Variants in ERCC6L2 observed in about 807,000 individuals in gnomAD.
ERCC6L2 encodes the protein ERCC excision repair 6 like 2.
ERCC6L2 carries 77 observed loss-of-function variants against 132.0 expected under a neutral mutation model. The observed-to-expected ratio is 0.58, with a 90% CI of 0.49 to 0.71. The LOEUF (loss-of-function observed/expected upper bound fraction) is 0.71, where lower values mean the gene tolerates loss of function less well. ERCC6L2 is among the 30% of genes least tolerant of loss of function. ERCC6L2 has a pLI of 0.00. For synonymous variants in ERCC6L2, 583 were observed against 632.4 expected (o/e 0.92, Z 1.17); for missense variants, 1,542 against 1,837.6 (o/e 0.84, Z 2.94).
At chr9:95,969,726 A>G (rs1832328122) in intron 14 of ERCC6L2, among the ~76,000 whole-genome samples, 1 of 152,096 alleles carries the variant, frequency 6.6e-6, no homozygotes, top group African/African-American at 2.4e-5. Flanking sequence ...AGAATAAAGG[A>G]CTTGCAGCAG....
intron 2 of ERCC6L2, among the ~76,000 whole-genome samples, chr9:95,890,412 A>G (rs1828095066): frequency 6.6e-6 from 1 of 152,160 alleles, no homozygotes; most frequent in Non-Finnish European, 1.5e-5. Context: ...AGTTTATGTA[A>G]ATTGCCCAGT....
chr9:95,959,421 A>G (rs1831791775), intron 13 of ERCC6L2, among the ~76,000 whole-genome samples: 1 of 151,732 alleles, frequency 6.6e-6, no homozygotes. Context: ...TAAAACCATA[A>G]AAACCCTAGA....
At chr9:96,036,583 T>C (rs1448201158) in intron 19 of ERCC6L2, among the ~76,000 whole-genome samples, 2 of 152,076 alleles carry the variant, frequency 1.3e-5, no homozygotes, top group Non-Finnish European at 2.9e-5. Flanking sequence ...ATTTCTTGAA[T>C]CACTATACTG....
In ERCC6L2 at chr9:95,881,308, TATAAC is replaced by T. The variant is rs1182166338; in HGVS notation, c.471+17_471+21del. The T allele has an allele frequency of 6.5e-7, 1 of 1,531,340 alleles. No individual in the cohort carries two copies. The highest frequency in any genetic ancestry group is 8.7e-7 in the Non-Finnish European group (1 of 1,144,248). The allele number at this position is 1,531,340 out of a possible 1,614,324, so 94.9% of individuals were successfully genotyped here. A position where few individuals can be genotyped will look rare whatever the true frequency, so the allele number is the denominator to read the frequency against. On this transcript the variant is annotated intron_variant, in intron 2 of 18. Transcript: ENST00000653738. ...AAACAGTACAGGTATTTAATTATGT[TATAAC>T]AGTAAAGTCACTTTACTGTGTACAT...
chr9:95,903,872 C>T (rs938852249), intron 3 of ERCC6L2, among the ~76,000 whole-genome samples: 1 of 151,836 alleles, frequency 6.6e-6, no homozygotes, highest in Non-Finnish European at 1.5e-5. Context: ...AAAAAGTTTT[C>T]GTATTTATCT....
chr9:95,958,344 G>T (rs1278707262), intron 13 of ERCC6L2, among the ~76,000 whole-genome samples: 1 of 152,078 alleles, frequency 6.6e-6, no homozygotes, highest in Non-Finnish European at 1.5e-5. Flanking sequence ...ATAGCAGCAT[G>T]ATTCATAGTC....
At chr9:95,930,189 T>C (rs1830275774) in intron 11 of ERCC6L2, among the ~76,000 whole-genome samples, 1 of 152,116 alleles carries the variant, frequency 6.6e-6, no homozygotes, top group East Asian at 1.9e-4. Flanking sequence ...ATGGGATTTT[T>C]TTCCTCTGGA....
intron 3 of ERCC6L2, among the ~76,000 whole-genome samples, chr9:95,899,099 G>T (rs534461672): frequency 6.6e-6 from 1 of 152,118 alleles, no homozygotes; most frequent in African/African-American, 2.4e-5. Flanking sequence ...AGAGAACAAA[G>T]AAGGAAAAGT....
chr9:96,027,128 C>A (rs1282809138), intron 19 of ERCC6L2, among the ~76,000 whole-genome samples: 1 of 150,780 alleles, frequency 6.6e-6, no homozygotes, highest in Non-Finnish European at 1.5e-5. Context: ...ACACACACCA[C>A]ACACAACACA....
chr9:95,944,643 C>T (rs542025892), intron 12 of ERCC6L2, among the ~76,000 whole-genome samples: 3 of 150,808 alleles, frequency 2.0e-5, no homozygotes, highest in South Asian at 4.3e-4. Flanking sequence ...AGCCAGATAT[C>T]GGGCGAAATT....
intron 6 of ERCC6L2, 137 bp downstream of exon 6, chr9:95,916,571 G>A (rs894215919): frequency 3.5e-5 from 22 of 635,728 alleles, no homozygotes; most frequent in Non-Finnish European, 4.5e-5. Flanking sequence ...ATTGTTGCGC[G>A]CAGAATTTCA....
intron 2 of ERCC6L2, among the ~76,000 whole-genome samples, chr9:95,883,319 T>G (rs1282093427): frequency 6.6e-6 from 1 of 152,172 alleles, no homozygotes; most frequent in Non-Finnish European, 1.5e-5. Flanking sequence ...ATTAAAGCAT[T>G]TTTCCTTGGC....
intron 13 of ERCC6L2, among the ~76,000 whole-genome samples, chr9:95,961,639 A>C (rs985116099): frequency 6.6e-6 from 1 of 152,146 alleles, no homozygotes; most frequent in African/African-American, 2.4e-5. Flanking sequence ...CTGCAAACCA[A>C]ATTCAAAGAC....
At position 95,926,677 on chromosome 9, in the gene ERCC6L2, A is replaced by G. The variant is rs148216030; in HGVS notation, c.1534-1402A>G. Among the ~76,000 whole-genome samples the G allele has an allele frequency of 2.8e-3, 427 of 152,216 alleles. 3 individuals are homozygous for G. The highest frequency in any genetic ancestry group is 9.7e-3 in the African/African-American group (403 of 41,540). ...AAGGAATTTTTAGGGCAATGAAACA[A>G]TTGTGTATGATACTGTAATGGTAGA... is the stretch of plus-strand genomic sequence containing the variant. On this transcript the variant is annotated intron_variant, in intron 9 of 18. Transcript: ENST00000653738.
Position 95,955,911 on chromosome 9 carries a change from CA to C in ERCC6L2, c.1848-2del. 1 of 1,546,332 alleles carries C rather than the reference CA, an allele frequency of 6.5e-7. No individual in the cohort carries two copies. On this transcript the variant is annotated splice_acceptor_variant, in intron 12 of 18. Coordinates refer to ENST00000653738, the MANE Select transcript of ERCC6L2 (RefSeq NM_020207.7). LOFTEE classifies it high-confidence loss of function. ...TTTGTTTGTATTTTTAATCCTTTTA[CA>C]GAGCATATAGGATTGGACAATGTAG...
intron 12 of ERCC6L2, among the ~76,000 whole-genome samples, chr9:95,943,899 C>A (rs1276674816): frequency 6.6e-6 from 1 of 152,142 alleles, no homozygotes; most frequent in Non-Finnish European, 1.5e-5. Context: ...GAACCCAGAA[C>A]CCTTGTGCAT....
chr9:96,004,937 G>GAAATA (rs1330718613), intron 18 of ERCC6L2: 1 of 324,228 alleles, frequency 3.1e-6, no homozygotes, highest in Non-Finnish European at 6.0e-6. Flanking sequence ...ATACTTAAGT[G>GAAATA]CATTTTATTC....
chr9:96,001,606 T>TA (rs1159010794), intron 17 of ERCC6L2, among the ~76,000 whole-genome samples: 1 of 152,196 alleles, frequency 6.6e-6, no homozygotes, highest in African/African-American at 2.4e-5. Context: ...CTGAGCTAGA[T>TA]ATAAAGACTC....
At chr9:95,957,358 C>T (rs1042774567) in intron 13 of ERCC6L2, among the ~76,000 whole-genome samples, 4 of 151,412 alleles carry the variant, frequency 2.6e-5, no homozygotes, top group Non-Finnish European at 5.9e-5. Context: ...GAATTGTACA[C>T]AGCAGTTTTT....
Sources: gnomAD v4.1 joint callset for allele counts (sites outside exome capture counted in the v4.1 genomes callset) on GRCh38, gnomAD v4.1.1 for gene constraint, MANE v1.5 for transcripts, NCBI Gene and HGNC (gene_info 2026-07-23, HGNC 2026-07-21) for gene names.